CCDC187: variants seen among roughly 807,000 people sequenced by gnomAD.
CCDC187 encodes coiled-coil domain containing 187, also known as coiled-coil domain-containing protein 187.
CCDC187 carries 32 observed loss-of-function variants against 38.0 expected under a neutral mutation model. That is an observed-to-expected ratio of 0.84 (90% CI 0.64 to 1.13). The LOEUF is 1.13. Ranked by LOEUF, CCDC187 falls within the 50% of genes most tolerant of loss-of-function variation. The pLI, the probability that CCDC187 is intolerant of heterozygous loss-of-function variation, is 0.00. For missense variants in CCDC187, 707 were observed against 786.8 expected (o/e 0.90, Z 1.21); for synonymous variants, 333 against 347.9 (o/e 0.96, Z 0.48).
chr9:136,296,759 A>G (rs1831545815), intron 4 of CCDC187, among the ~76,000 whole-genome samples: 1 of 152,244 alleles, frequency 6.6e-6, no homozygotes, highest in East Asian at 1.9e-4. Flanking sequence ...TCTGCAGGGC[A>G]CTGACACCTC....
Position 136,254,153 on chromosome 9 carries a change from G to C in CCDC187, c.5675C>G (p.Ser1892Trp). The C allele has an allele frequency of 1.0e-6, 1 of 985,470 alleles. No individual in the cohort carries two copies. Among genetic ancestry groups the C allele is most frequent in the Non-Finnish European group, 1.2e-6 (1 of 829,958 alleles). The allele number at this position is 985,470 out of a possible 1,614,324, so 61.0% of individuals were successfully genotyped here. A position where few individuals can be genotyped will look rare whatever the true frequency, so the allele number is the denominator to read the frequency against. ...TGCCCCTTCACTCAAAGAGGTCCAC[G>C]AAGGAAAGACCAGCAGTGAGTCCGA... ...GDSDSLLVFPSWTSLSEGADF... is the reference protein window; with the variant it reads ...GDSDSLLVFPWWTSLSEGADF... Residue 1892 changes from serine to tryptophan, a missense_variant, in exon 26 of 26, where the codon TCG becomes TGG. Ser to Trp is a radical substitution (Grantham distance 177). Coordinates refer to ENST00000638797, the MANE Select transcript of CCDC187 (RefSeq NM_001378188.1).
At chr9:136,295,639 G>A (rs954582743) in intron 4 of CCDC187, among the ~76,000 whole-genome samples, 10,957 of 152,190 alleles carry the variant, frequency 0.072, 449 homozygotes, top group East Asian at 0.18. Context: ...CAATTCCCAA[G>A]TCCTGTGGCT....
rs1276585764 is a variant in CCDC187 at position 136,286,431 on chromosome 9, G to A, written c.2487C>T (p.Thr829=). Residue 829 remains threonine (T), a synonymous_variant, in exon 8 of 26, where the codon ACC becomes ACT. Transcript: ENST00000638797. The part of the protein sequence containing the change: ...HKQAQLQALE[T]TAKVLKQRVD... ...CCCGCTGCTTGAGGACTTTGGCTGTGGTCTCTAGCGCCTGCAGCTGCGCCT... is the reference window on the plus strand; with the variant it reads ...CCCGCTGCTTGAGGACTTTGGCTGTAGTCTCTAGCGCCTGCAGCTGCGCCT... The A allele has an allele frequency of 1.3e-5, 5 of 398,598 alleles. No homozygotes were observed. The highest frequency in any genetic ancestry group is 2.2e-5 in the Non-Finnish European group (5 of 226,126). The allele number at this position is 398,598 out of a possible 1,614,324, so 24.7% of individuals were successfully genotyped here.
chr9:136,262,486 C>G (rs1250247679), intron 18 of CCDC187, 24 bp from the exon 19 acceptor site: 36 of 985,996 alleles, frequency 3.7e-5, no homozygotes, highest in Non-Finnish European at 4.2e-5. Context: ...TGCAGGAGAG[C>G]CTGGCAAGGC....
Position 136,258,250 on chromosome 9 carries a change from C to T in CCDC187, c.4366+682G>A, listed in dbSNP as rs956879551. 9.2e-5 allele frequency among the ~76,000 whole-genome samples: 14 copies of T among 152,192 alleles called. No individual in the cohort carries two copies. The highest frequency in any genetic ancestry group is 2.9e-4 in the African/African-American group (12 of 41,448). On this transcript the variant is annotated intron_variant, in intron 22 of 25. Transcript: ENST00000638797. This position sits in a 1 kb window ranked among gnomAD's most constrained non-coding sequence, Gnocchi z 4.3. ...CCCACAAGTGCTTCTGATCTCTTTC[C>T]GTCTCAACCCATCTGTCCTGAGGTT...
rs114331419 is a variant in CCDC187, at chr9:136,272,197, C to T, written c.3442+2461G>A. Among the ~76,000 whole-genome samples, 1,295 of 152,142 alleles carry T rather than the reference C, an allele frequency of 8.5e-3. 28 individuals are homozygous for T. Among genetic ancestry groups the T allele is most frequent in the African/African-American group, 0.029 (1,207 of 41,486 alleles). ...TCCTTCCAGCAGAAGGAAAAGGATG[C>T]GGGTTAGAAATCTACATCTACCGGA... On this transcript the variant is annotated intron_variant, in intron 14 of 25. Coordinates refer to ENST00000638797, the MANE Select transcript of CCDC187 (RefSeq NM_001378188.1).
At chr9:136,265,904 A>T in intron 17 of CCDC187, 52 bp downstream of exon 17, 1 of 876,906 alleles carries the variant, frequency 1.1e-6, no homozygotes, top group Non-Finnish European at 1.4e-6. Context: ...AGATGACACG[A>T]CTGCCTCTGT....
At chr9:136,293,417 TCA>T (rs1321173840) in intron 4 of CCDC187, among the ~76,000 whole-genome samples, 9 of 57,290 alleles carry the variant, frequency 1.6e-4, no homozygotes, top group African/African-American at 4.3e-4. Flanking sequence ...ACTCACATGC[TCA>T]CATACTCTCA....
Position 136,267,384 on chromosome 9 carries a change from C to A in CCDC187, c.3647G>T (p.Gly1216Val). ...GCCGGCGCCAGGCGCATGCGCTCAC[C>A]CTCGTCGATGCTCCAGCCAGGCCAG... Reference protein sequence around the residue: ...AELAWLEHRRGCLDSKRDRAV... With the variant: ...AELAWLEHRRVCLDSKRDRAV... Residue 1216 changes from glycine to valine, a missense_variant and splice_region_variant, in exon 16 of 26, where the codon GGG (glycine) becomes GTG (valine). Physicochemically the swap from Gly to Val is moderately radical, Grantham distance 109. Coordinates refer to ENST00000638797, the MANE Select transcript of CCDC187 (RefSeq NM_001378188.1). The A allele has an allele frequency of 4.1e-6, 4 of 985,572 alleles. No individual in the cohort carries two copies. The highest frequency in any genetic ancestry group is 3.6e-6 in the Non-Finnish European group (3 of 830,084). 61.1% of individuals were successfully genotyped at this position (985,572 alleles called of 1,614,324 possible).
chr9:136,292,093 CCTT>C lies in CCDC187; in HGVS notation c.967+65_967+67del, dbSNP rs1467529563. ...CAGGCGGCCTGGAGCCTGGGTGTCT[CCTT>C]CTCTGTGCCCGCCCCCAGATGCCAC... On this transcript the variant is annotated intron_variant, in intron 5 of 25. Coordinates refer to ENST00000638797, the MANE Select transcript of CCDC187 (RefSeq NM_001378188.1). The C allele has an allele frequency of 1.4e-4, 56 of 398,638 alleles. No individual in the cohort carries two copies. In the East Asian group the frequency reaches 1.7e-3, roughly 12 times the overall value. 24.7% of individuals were successfully genotyped at this position (398,638 alleles called of 1,614,324 possible).
In CCDC187 at chr9:136,268,062, T is replaced by A; in HGVS notation, c.3506A>T (p.Asn1169Ile). 1 of 985,344 alleles carries A rather than the reference T, an allele frequency of 1.0e-6. No homozygotes were observed. Among genetic ancestry groups the A allele is most frequent in the Non-Finnish European group, 1.2e-6 (1 of 829,960 alleles). The allele number at this position is 985,344 out of a possible 1,614,324, so 61.0% of individuals were successfully genotyped here. A position where few individuals can be genotyped will look rare whatever the true frequency, so the allele number is the denominator to read the frequency against. ...CTCTCCACGTACCTGGTGGGTGGGG[T>A]TGTCCGGAGGGAAGAACTTGGCCAG... is the stretch of plus-strand genomic sequence containing the variant. Reference protein sequence around the residue: ...LPLAKFFPPDNPTHQMLERSL... With the variant: ...LPLAKFFPPDIPTHQMLERSL... Residue 1169 changes from asparagine (N) to isoleucine (I), a missense_variant, in exon 15 of 26, where the codon AAC (asparagine) becomes ATC (isoleucine). Asn to Ile is a moderately radical substitution (Grantham distance 149). Coordinates refer to ENST00000638797, the MANE Select transcript of CCDC187 (RefSeq NM_001378188.1).
chr9:136,283,179 G>A (rs1266274454), intron 9 of CCDC187, among the ~76,000 whole-genome samples: 1 of 152,254 alleles, frequency 6.6e-6, no homozygotes, highest in Non-Finnish European at 1.5e-5. Context: ...AACTTGGGAG[G>A]CGGAGGTTGC....
At chr9:136,282,829 T>C (rs1831078863) in intron 9 of CCDC187, among the ~76,000 whole-genome samples, 2 of 152,338 alleles carry the variant, frequency 1.3e-5, no homozygotes, top group African/African-American at 4.8e-5. Context: ...AGGGGCTGCA[T>C]GGCACCTGGG....
intron 14 of CCDC187, among the ~76,000 whole-genome samples, chr9:136,270,296 G>A (rs189950588): frequency 0.011 from 1,660 of 152,268 alleles, 14 homozygotes; most frequent in East Asian, 0.019. Flanking sequence ...GGCTGGGCAC[G>A]CTCATATTTA....
chr9:136,295,028 T>A (rs1265726322), intron 4 of CCDC187, among the ~76,000 whole-genome samples: 1 of 152,128 alleles, frequency 6.6e-6, no homozygotes, highest in South Asian at 2.1e-4. Context: ...GCACCTCCCA[T>A]AGGGCCACAA....
chr9:136,258,744 G>A lies in CCDC187; in HGVS notation c.4366+188C>T, dbSNP rs1830645438. 5 of 985,482 alleles carry A rather than the reference G, an allele frequency of 5.1e-6. No homozygotes were observed. The highest frequency in any genetic ancestry group is 6.0e-6 in the Non-Finnish European group (5 of 829,936). 61.0% of individuals were successfully genotyped at this position (985,482 alleles called of 1,614,324 possible). On this transcript the variant is annotated intron_variant, in intron 22 of 25. Transcript: ENST00000638797. The surrounding 1 kb of genome is among the most constrained non-coding windows in gnomAD (Gnocchi z 4.3). ...AAGAGCCGCTGCGTCACCTCCGGTAGGAGATGGAGCCGGCCACTCTTCTTG... is the reference window on the plus strand; with the variant it reads ...AAGAGCCGCTGCGTCACCTCCGGTAAGAGATGGAGCCGGCCACTCTTCTTG...
intron 2 of CCDC187, among the ~76,000 whole-genome samples, chr9:136,302,233 C>T (rs1831703988): frequency 6.6e-6 from 1 of 152,106 alleles, no homozygotes; most frequent in Admixed American, 6.6e-5. Flanking sequence ...AAAACATCTT[C>T]CCTGTTTTCT....
At position 136,264,773 on chromosome 9, in the gene CCDC187, TG is replaced by T. The variant is rs1299143625; in HGVS notation, c.3736-976del. Among the ~76,000 whole-genome samples, 1 of 150,476 alleles carries T rather than the reference TG, an allele frequency of 6.6e-6. No individual in the cohort carries two copies. Among genetic ancestry groups the T allele is most frequent in the Non-Finnish European group, 1.5e-5 (1 of 67,488 alleles). On this transcript the variant is annotated intron_variant, in intron 17 of 25. Coordinates refer to ENST00000638797, the MANE Select transcript of CCDC187 (RefSeq NM_001378188.1). The surrounding 1 kb of genome is among the most constrained non-coding windows in gnomAD (Gnocchi z 4.3). The stretch of plus-strand genomic sequence containing the variant: ...CACCCCAGCTCACCTTTTTTTTTTT[TG>T]AAACAAGGTCTCACTCTGTTGCCCA...
In CCDC187 at chr9:136,253,606, C is replaced by T. The variant is rs1830575335; in HGVS notation, c.6222G>A (p.Ala2074=). ...EGLFPGPQGS[A]GTQ is the part of the protein sequence containing the mutation. ...GGCAGAGCCCCAACTACTGGGTTCC[C>T]GCCGACCCCTGGGGCCCAGGAAACA... Residue 2074 remains alanine, a synonymous_variant, in exon 26 of 26, where the codon GCG becomes GCA. Transcript: ENST00000638797. The T allele has an allele frequency of 2.2e-5, 22 of 985,648 alleles. 1 individual carries two copies. Among genetic ancestry groups the T allele is most frequent in the South Asian group, 1.9e-4 (4 of 21,286 alleles). The allele number at this position is 985,648 out of a possible 1,614,324, so 61.1% of individuals were successfully genotyped here. A position where few individuals can be genotyped will look rare whatever the true frequency, so the allele number is the denominator to read the frequency against.
Sources: allele counts gnomAD v4.1 joint callset (sites outside exome capture counted in the v4.1 genomes callset), GRCh38; gene constraint gnomAD v4.1.1; non-coding constraint Gnocchi (gnomAD v3.1); transcripts MANE v1.5; gene names NCBI Gene and HGNC (gene_info 2026-07-23, HGNC 2026-07-21).